Variants in CEP112 observed in about 807,000 individuals in gnomAD.
CEP112 encodes the protein centrosomal protein of 112 kDa.
A neutral mutation model predicts 153.0 loss-of-function variants in CEP112; 127 were observed. The observed-to-expected ratio is 0.83, with a 90% CI of 0.72 to 0.96. The LOEUF (loss-of-function observed/expected upper bound fraction) is 0.96, where lower values mean the gene tolerates loss of function less well. CEP112 is among the 40% of genes least tolerant of loss of function. CEP112 has a pLI of 0.00. For missense variants in CEP112, 1,089 were observed against 1,101.2 expected (o/e 0.99, Z 0.16); for synonymous variants, 358 against 374.4 (o/e 0.96, Z 0.51).
intron 17 of CEP112, among the ~76,000 whole-genome samples, chr17:65,971,238 A>T (rs12601468): frequency 0.48 from 72,892 of 151,902 alleles, 18,467 homozygotes; most frequent in East Asian, 0.89. Flanking sequence ...CATACGTGCA[A>T]AACATGCACA....
chr17:65,658,188 G>A (rs1598220809), intron 24 of CEP112, among the ~76,000 whole-genome samples: 1 of 152,198 alleles, frequency 6.6e-6, no homozygotes, highest in Non-Finnish European at 1.5e-5. Flanking sequence ...CTAGAACCAC[G>A]ATTGAAACCT....
chr17:65,687,134 C>T (rs1428235560), intron 24 of CEP112, among the ~76,000 whole-genome samples: 2 of 149,772 alleles, frequency 1.3e-5, no homozygotes, highest in Non-Finnish European at 3.0e-5. Flanking sequence ...ATCTTGTCAG[C>T]ATTTGATAAG....
At chr17:66,149,533 A>G (rs1055310850) in intron 4 of CEP112, among the ~76,000 whole-genome samples, 1 of 152,124 alleles carries the variant, frequency 6.6e-6, no homozygotes, top group South Asian at 2.1e-4. Context: ...CAGATATTCT[A>G]TTCTTCATAA....
rs2050307880 is a variant in CEP112, at chr17:65,728,479, G to A, written c.2607+14589C>T. Among the ~76,000 whole-genome samples the A allele has an allele frequency of 2.0e-5, 3 of 152,152 alleles. No homozygotes were observed. The South Asian group carries it at 6.2e-4, about 31-fold the overall frequency. On this transcript the variant is annotated intron_variant, in intron 23 of 26. Transcript: ENST00000535342. The stretch of plus-strand genomic sequence containing the variant: ...CTTGTCTAGAGACCACACTCTGCTT[G>A]TTGGGCTTAGCTATGACTATAGGGC...
chr17:66,090,323 C>G (rs1297198832), intron 8 of CEP112, among the ~76,000 whole-genome samples: 1 of 151,864 alleles, frequency 6.6e-6, no homozygotes, highest in Non-Finnish European at 1.5e-5. Context: ...TGACTTATAT[C>G]TTTAGTATGA....
chr17:66,150,129 C>T (rs373386018), intron 4 of CEP112, among the ~76,000 whole-genome samples: 2 of 145,238 alleles, frequency 1.4e-5, no homozygotes, highest in Non-Finnish European at 3.0e-5. Context: ...CTCGATCTCT[C>T]GACCTCATGA....
chr17:65,729,532 G>A (rs998157757), intron 23 of CEP112, among the ~76,000 whole-genome samples: 14 of 152,024 alleles, frequency 9.2e-5, no homozygotes, highest in African/African-American at 2.9e-4. Flanking sequence ...TGATCATTAC[G>A]TTCATTATAC....
At chr17:66,039,717 C>A (rs2065892089) in intron 12 of CEP112, among the ~76,000 whole-genome samples, 1 of 152,128 alleles carries the variant, frequency 6.6e-6, no homozygotes, top group South Asian at 2.1e-4. Flanking sequence ...GTGAACATTG[C>A]CAGCCTCCCT....
intron 6 of CEP112, among the ~76,000 whole-genome samples, chr17:66,128,030 G>A (rs2069934357): frequency 6.6e-6 from 1 of 152,018 alleles, no homozygotes; most frequent in African/African-American, 2.4e-5. Flanking sequence ...GCCAGGCGCG[G>A]TGGCCCACAC....
intron 21 of CEP112, among the ~76,000 whole-genome samples, chr17:65,796,868 A>G (rs961704144): frequency 5.7e-5 from 8 of 139,612 alleles, no homozygotes; most frequent in Non-Finnish European, 1.1e-4. Context: ...CCCCATCTCT[A>G]CAAAAAAAAA....
At position 65,806,758 on chromosome 17, in the gene CEP112, C is replaced by T. The variant is rs530432452; in HGVS notation, c.2394+45046G>A. 2.0e-5 allele frequency among the ~76,000 whole-genome samples: 3 copies of T among 152,308 alleles called. No individual in the cohort carries two copies. The South Asian group carries it at 6.2e-4, about 32-fold the overall frequency. ...GCCATGATTGTAAGTTTCCTGGGGC[C>T]TCCCAGTCATGCTTCCTGTTAAGCC... On this transcript the variant is annotated intron_variant, in intron 21 of 26. Coordinates refer to ENST00000535342, the MANE Select transcript of CEP112 (RefSeq NM_001199165.4).
At chr17:65,783,064 C>T (rs950674092) in intron 21 of CEP112, among the ~76,000 whole-genome samples, 4 of 151,336 alleles carry the variant, frequency 2.6e-5, no homozygotes, top group African/African-American at 9.7e-5. Flanking sequence ...AAGTTTACTA[C>T]TTTTCAAGAA....
chr17:66,189,896 G>T (rs2073098639), intron 1 of CEP112, among the ~76,000 whole-genome samples: 1 of 152,036 alleles, frequency 6.6e-6, no homozygotes, highest in Non-Finnish European at 1.5e-5. Flanking sequence ...GCCAAGCATG[G>T]TAGCATGCAT....
chr17:65,892,696 G>T (rs1306480390), intron 20 of CEP112, among the ~76,000 whole-genome samples: 38 of 152,032 alleles, frequency 2.5e-4, no homozygotes, highest in Admixed American at 2.5e-3. Flanking sequence ...GACAGCTTTG[G>T]CAGTAATTGG....
At chr17:65,981,575 TTTTG>T (rs2063227406) in intron 17 of CEP112, among the ~76,000 whole-genome samples, 2 of 151,688 alleles carry the variant, frequency 1.3e-5, no homozygotes, top group South Asian at 2.1e-4. Context: ...TTTTTGATTT[TTTTG>T]TTTGTTTGTT....
chr17:65,976,830 C>T (rs2063054849), intron 17 of CEP112, among the ~76,000 whole-genome samples: 1 of 149,540 alleles, frequency 6.7e-6, no homozygotes, highest in African/African-American at 2.5e-5. Context: ...CCTCCACCTC[C>T]CAGGTTCAAG....
chr17:65,666,145 A>T (rs548606722), intron 24 of CEP112, among the ~76,000 whole-genome samples: 8 of 152,312 alleles, frequency 5.3e-5, no homozygotes, highest in African/African-American at 1.9e-4. Context: ...TTTTGGGCCA[A>T]ATCCGAACTC....
intron 17 of CEP112, among the ~76,000 whole-genome samples, chr17:65,970,670 T>G (rs1459803923): frequency 6.6e-6 from 1 of 151,906 alleles, no homozygotes; most frequent in African/African-American, 2.4e-5. Context: ...TACATGCATA[T>G]TACACGCATA....
intron 6 of CEP112, among the ~76,000 whole-genome samples, chr17:66,114,692 C>A (rs2069203044): frequency 2.6e-5 from 4 of 152,062 alleles, no homozygotes; most frequent in African/African-American, 7.2e-5. Flanking sequence ...AAAGGACTCT[C>A]ATGCAGAATA....
Sources: gnomAD v4.1 joint callset for allele counts (sites outside exome capture counted in the v4.1 genomes callset) on GRCh38, gnomAD v4.1.1 for gene constraint, MANE v1.5 for transcripts, NCBI Gene and HGNC (gene_info 2026-07-23, HGNC 2026-07-21) for gene names.